MYH11: variants seen among roughly 807,000 people sequenced by gnomAD.
MYH11 encodes myosin heavy chain 11.
Under a neutral mutation model 246.6 loss-of-function variants are expected in MYH11, and 80 were observed. The observed-to-expected ratio is 0.32, with a 90% CI of 0.27 to 0.39. MYH11 has a LOEUF of 0.39. Ranked by LOEUF, MYH11 falls within the 10% of genes least tolerant of loss-of-function variation. MYH11 has a pLI of 1.00. For missense variants in MYH11, 2,158 were observed against 2,546.8 expected, an observed-to-expected ratio of 0.85 and a Z score of 3.29; for synonymous variants, 1,071 against 1,015.5, an observed-to-expected ratio of 1.05 and a Z score of -1.04.
chr16:15,790,124 G>C (rs538733098), intron 4 of MYH11, among the ~76,000 whole-genome samples: 1 of 152,290 alleles, frequency 6.6e-6, no homozygotes, highest in South Asian at 2.1e-4. Flanking sequence ...GGCCAACATG[G>C]TGAAACCCTG....
rs780252094 is a variant in MYH11 at position 15,703,915 on chromosome 16, T to A, written c.*76A>T. 1 of 1,593,672 alleles carries A rather than the reference T, an allele frequency of 6.3e-7. No homozygotes were observed. The highest frequency in any genetic ancestry group is 8.6e-7 in the Non-Finnish European group (1 of 1,164,712). On this transcript the variant is annotated 3_prime_UTR_variant, in exon 41 of 41. Transcript: ENST00000300036. ...CTGCTGGGTTTTGCTTTGTTCTGGGTTGTTGTTGGGTTTTTTTTGTTTGTT... is the reference window on the plus strand; with the variant it reads ...CTGCTGGGTTTTGCTTTGTTCTGGGATGTTGTTGGGTTTTTTTTGTTTGTT...
intron 7 of MYH11, among the ~76,000 whole-genome samples, chr16:15,777,128 C>CACACACAT (rs1491107594): frequency 6.6e-6 from 1 of 151,868 alleles, no homozygotes; most frequent in Admixed American, 6.6e-5. Context: ...CACACACACA[C>CACACACAT]GCACGTATGT....
intron 31 of MYH11, 111 bp from the exon 32 acceptor site, chr16:15,721,745 G>C (rs1271699575): frequency 1.2e-5 from 13 of 1,113,984 alleles, no homozygotes; most frequent in Non-Finnish European, 1.8e-5. Context: ...AGGTGCAGGT[G>C]TAAGCAGTGT....
chr16:15,747,517 C>G, intron 19 of MYH11, 53 bp downstream of exon 19: 1 of 1,609,162 alleles, frequency 6.2e-7, no homozygotes, highest in East Asian at 2.2e-5. Context: ...AACAGAAAGG[C>G]CCCTGTTTGT....
At chr16:15,840,400 G>T (rs1455162885) in intron 1 of MYH11, among the ~76,000 whole-genome samples, 1 of 152,108 alleles carries the variant, frequency 6.6e-6, no homozygotes, top group African/African-American at 2.4e-5. Context: ...TAATTATCCT[G>T]ATCTTATCTC....
chr16:15,765,063 A>G (rs1170606386), intron 9 of MYH11, among the ~76,000 whole-genome samples: 2 of 152,246 alleles, frequency 1.3e-5, no homozygotes, highest in Non-Finnish European at 2.9e-5. Context: ...TGCCCTAATC[A>G]TCTTTGAATT....
intron 1 of MYH11, among the ~76,000 whole-genome samples, chr16:15,855,255 G>C (rs34640048): frequency 0.068 from 10,335 of 152,224 alleles, 1,197 homozygotes; most frequent in African/African-American, 0.23. Flanking sequence ...GCCCACCTAG[G>C]GTCACTGGTT....
chr16:15,735,676 G>T, intron 25 of MYH11, 98 bp from the exon 26 acceptor site: 1 of 1,164,632 alleles, frequency 8.6e-7, no homozygotes, highest in Non-Finnish European at 1.3e-6. Context: ...CAGTTATGTT[G>T]CAGAGACATC....
chr16:15,717,119 C>T (rs776140653), intron 38 of MYH11, 21 bp downstream of exon 38: 26 of 1,613,168 alleles, frequency 1.6e-5, no homozygotes, highest in Middle Eastern at 1.6e-4. Context: ...AAACTGGGTT[C>T]GGAACTCCAC....
chr16:15,845,885 A>T (rs570011756), intron 1 of MYH11, among the ~76,000 whole-genome samples: 191 of 152,274 alleles, frequency 1.3e-3, no homozygotes, highest in African/African-American at 4.5e-3. Flanking sequence ...TGAGGTCAGG[A>T]GTTTGAGACC....
At chr16:15,753,352 C>T (rs925786532) in intron 15 of MYH11, 42 bp downstream of exon 15, 1 of 1,571,606 alleles carries the variant, frequency 6.4e-7, no homozygotes, top group Non-Finnish European at 8.8e-7. Flanking sequence ...TTCAATTCTC[C>T]AGCTCAAAGC....
At position 15,798,611 on chromosome 16, in the gene MYH11, AAAAAAAAAAAAAC is replaced by A. The variant is rs759126365; in HGVS notation, c.530+36_530+48del. 4.9e-6 allele frequency: 7 copies of A among 1,440,046 alleles called. No individual in the cohort carries two copies. The African/African-American group carries it at 5.0e-5, about 10-fold the overall frequency. The allele number at this position is 1,440,046 out of a possible 1,614,324, so 89.2% of individuals were successfully genotyped here. On this transcript the variant is annotated intron_variant, in intron 4 of 40. Transcript: ENST00000300036. ...AGGTTGGATCTCGACTACAGATTAA[AAAAAAAAAAAAAC>A]AAAAAAAAAACAGAAGAAAAAGCAG...
chr16:15,708,749 G>C, intron 40 of MYH11: 1 of 1,559,832 alleles, frequency 6.4e-7, no homozygotes, highest in Non-Finnish European at 8.6e-7. Context: ...GCATTGGGCA[G>C]AAAAGAAATG....
At chr16:15,743,217 G>A (rs1229297589) in intron 20 of MYH11, among the ~76,000 whole-genome samples, 1 of 152,086 alleles carries the variant, frequency 6.6e-6, no homozygotes, top group Non-Finnish European at 1.5e-5. Flanking sequence ...CACCCAGGCT[G>A]GAGTGCAGTG....
chr16:15,717,916 G>T (rs1438675188), intron 37 of MYH11: 16 of 324,814 alleles, frequency 4.9e-5, no homozygotes, highest in Non-Finnish European at 6.5e-5. Context: ...CACCACAAGG[G>T]GCTGCAGGTT....
rs759381882 is a variant in MYH11, at chr16:15,750,044, G to T, written c.2058+94C>A. On this transcript the variant is annotated intron_variant, in intron 16 of 40. Transcript: ENST00000300036. This position sits in a 1 kb window ranked among gnomAD's most constrained non-coding sequence, Gnocchi z 4.3. ...CCCACATGGAAAATGGGGTCCTCGG[G>T]GTAGGTGGGGGCAGAGGGCGCCCTG... is the stretch of plus-strand genomic sequence containing the variant. The T allele has an allele frequency of 4.1e-6, 6 of 1,478,336 alleles. No individual in the cohort carries two copies. In the Admixed American group the frequency reaches 6.8e-5, roughly 17 times the overall value. The allele number at this position is 1,478,336 out of a possible 1,614,324, so 91.6% of individuals were successfully genotyped here.
In MYH11 at chr16:15,715,208, G is replaced by A; in HGVS notation, c.5569C>T (p.Gln1857Ter). 1 of 1,614,066 alleles carries A rather than the reference G, an allele frequency of 6.2e-7. No individual in the cohort carries two copies. Among genetic ancestry groups the A allele is most frequent in the Non-Finnish European group, 8.5e-7 (1 of 1,180,032 alleles). ...GCCATCTTGCGCTCGTCCTCCACCT[G>A]CAGCAAGATTTCCTTCAGCTTCTTG... is the stretch of plus-strand genomic sequence containing the variant. ...KDKKLKEILLQVEDERKMAEQ... is the reference protein window; with the variant it reads ...KDKKLKEILL The change falls in exon 39 of 41, where the codon CAG becomes TAG. Residue 1857 changes from glutamine to a stop codon, truncating the protein, a stop_gained. Coordinates refer to ENST00000300036, the MANE Select transcript of MYH11 (RefSeq NM_002474.3). LOFTEE classifies it high-confidence loss of function.
At chr16:15,726,712 C>G in intron 28 of MYH11, 136 bp downstream of exon 28, 1 of 1,012,614 alleles carries the variant, frequency 9.9e-7, no homozygotes, top group Non-Finnish European at 1.5e-6. Context: ...ATCATCGCCT[C>G]TCCTCCAGGA....
intron 22 of MYH11, chr16:15,741,154 T>G (rs978545046): frequency 1.9e-6 from 1 of 532,072 alleles, no homozygotes; most frequent in Admixed American, 3.1e-5. Context: ...CTTTTTATTT[T>G]TAGCTGCTGA....
Sources: gnomAD v4.1 joint callset for allele counts (sites outside exome capture counted in the v4.1 genomes callset) on GRCh38, gnomAD v4.1.1 for gene constraint, Gnocchi (gnomAD v3.1) non-coding constraint, MANE v1.5 for transcripts, NCBI Gene and HGNC (gene_info 2026-07-23, HGNC 2026-07-21) for gene names.